Variants in KCNMA1 observed in about 807,000 individuals in gnomAD.
KCNMA1 encodes the protein Calcium-activated potassium channel subunit alpha-1.
KCNMA1 carries 29 observed loss-of-function variants against 140.0 expected under a neutral mutation model. The observed-to-expected ratio is 0.21, with a 90% CI of 0.15 to 0.28. The LOEUF (loss-of-function observed/expected upper bound fraction) is 0.28. Among genes scored for constraint, KCNMA1 ranks in the 10% least tolerant of loss-of-function variants. The pLI is 1.00. For synonymous variants in KCNMA1, 612 were observed against 611.9 expected (o/e 1.00, Z 0.00); for missense variants, 880 against 1,602.2 (o/e 0.55, Z 7.70).
chr10:77,318,270 G>A (rs2154352030), intron 2 of KCNMA1, among the ~76,000 whole-genome samples: 3 of 152,270 alleles, frequency 2.0e-5, no homozygotes, highest in Non-Finnish European at 4.4e-5. Flanking sequence ...TGCACAACAA[G>A]TTATCAATTA....
At chr10:76,911,055 A>G (rs1169141934) in intron 24 of KCNMA1, 1 of 152,154 alleles carries the variant, frequency 6.6e-6, no homozygotes, top group Non-Finnish European at 1.5e-5. Flanking sequence ...GGGGCACTCA[A>G]AATTTCTGAA....
intron 9 of KCNMA1, chr10:77,091,482 G>A (rs1402300168): frequency 6.6e-6 from 1 of 152,232 alleles, no homozygotes; most frequent in Non-Finnish European, 1.5e-5. Context: ...TCAGGAGTGA[G>A]CATTTGATGC....
downstream of KCNMA1, among the ~76,000 whole-genome samples, chr10:76,880,760 T>C (rs2034314458): frequency 6.6e-6 from 1 of 152,210 alleles, no homozygotes; most frequent in Non-Finnish European, 1.5e-5. Flanking sequence ...GAAGCAGCTC[T>C]AATGAATGCT....
intron 1 of KCNMA1, among the ~76,000 whole-genome samples, chr10:77,506,621 T>TGTGTG (rs1567212159): frequency 1.9e-5 from 1 of 53,990 alleles, no homozygotes; most frequent in Admixed American, 1.9e-4. Context: ...GTGTGTGTGT[T>TGTGTG]AGAGAGGGAG....
At chr10:77,189,433 C>T (rs563947060) in intron 3 of KCNMA1, among the ~76,000 whole-genome samples, 1 of 152,210 alleles carries the variant, frequency 6.6e-6, no homozygotes, top group African/African-American at 2.4e-5. Flanking sequence ...ATTGCAATGC[C>T]ACTGTGCAAG....
chr10:77,551,778 C>T (rs1247101862), intron 1 of KCNMA1, among the ~76,000 whole-genome samples: 1 of 152,174 alleles, frequency 6.6e-6, no homozygotes, highest in Admixed American at 6.5e-5. Flanking sequence ...CTGAGACCTT[C>T]CAATCCAACC....
intron 1 of KCNMA1, among the ~76,000 whole-genome samples, chr10:77,546,758 T>C (rs2154556113): frequency 6.6e-6 from 1 of 152,296 alleles, no homozygotes; most frequent in East Asian, 1.9e-4. Flanking sequence ...GGTGGCTCCC[T>C]GTCAGGGGAG....
At chr10:77,193,974 G>C (rs1468172158) in intron 3 of KCNMA1, among the ~76,000 whole-genome samples, 1 of 151,820 alleles carries the variant, frequency 6.6e-6, no homozygotes, top group Non-Finnish European at 1.5e-5. Context: ...TTTTTTTCTG[G>C]ATATTAAAAT....
At chr10:76,976,639 GC>G (rs2077634585) in intron 19 of KCNMA1, among the ~76,000 whole-genome samples, 1 of 152,140 alleles carries the variant, frequency 6.6e-6, no homozygotes, top group East Asian at 1.9e-4. Flanking sequence ...ATGTACCAAA[GC>G]CCCCCATATC....
intron 5 of KCNMA1, among the ~76,000 whole-genome samples, chr10:77,165,065 C>A (rs138856753): frequency 1.3e-5 from 2 of 152,102 alleles, no homozygotes; most frequent in African/African-American, 4.8e-5. Context: ...TGAAAACTCA[C>A]GATAAAAATA....
intron 19 of KCNMA1, among the ~76,000 whole-genome samples, chr10:76,976,747 G>A (rs2077684694): frequency 6.6e-6 from 1 of 151,976 alleles, no homozygotes; most frequent in South Asian, 2.1e-4. Flanking sequence ...AAATCCTTTT[G>A]GAATTTTCTG....
At chr10:77,413,907 T>G (rs949460575) in intron 1 of KCNMA1, among the ~76,000 whole-genome samples, 5 of 152,164 alleles carry the variant, frequency 3.3e-5, no homozygotes, top group African/African-American at 1.2e-4. Flanking sequence ...CCCCGAGCTG[T>G]CAGAAAGCCC....
At chr10:77,270,680 C>G (rs374787471) in intron 2 of KCNMA1, among the ~76,000 whole-genome samples, 2 of 135,930 alleles carry the variant, frequency 1.5e-5, no homozygotes, top group Admixed American at 7.3e-5. Flanking sequence ...CACCACCACA[C>G]CTAGCTAATT....
intron 5 of KCNMA1, among the ~76,000 whole-genome samples, chr10:77,135,522 G>A (rs370894802): frequency 6.6e-6 from 1 of 152,136 alleles, no homozygotes; most frequent in South Asian, 2.1e-4. Context: ...TGAAATCAAC[G>A]TGCTGAAGAG....
At chr10:77,333,034 C>CA (rs2154367544) in intron 2 of KCNMA1, among the ~76,000 whole-genome samples, 1 of 152,266 alleles carries the variant, frequency 6.6e-6, no homozygotes, top group Admixed American at 6.5e-5. Context: ...TTTAGTAAAA[C>CA]AAACACATGT....
intron 15 of KCNMA1, among the ~76,000 whole-genome samples, chr10:77,031,850 C>G (rs2093960092): frequency 6.6e-6 from 1 of 152,148 alleles, no homozygotes. Flanking sequence ...AAGAGTAAGC[C>G]TTCAGTAAAG....
chr10:77,492,600 A>G (rs2040349878), intron 1 of KCNMA1, among the ~76,000 whole-genome samples: 1 of 152,234 alleles, frequency 6.6e-6, no homozygotes, highest in Admixed American at 6.5e-5. Flanking sequence ...CTTCTTTGCA[A>G]GTAGTGCTCT....
chr10:77,414,843 C>A (rs1228749077), intron 1 of KCNMA1, among the ~76,000 whole-genome samples: 1 of 152,156 alleles, frequency 6.6e-6, no homozygotes, highest in Non-Finnish European at 1.5e-5. Flanking sequence ...TCCAAGATTA[C>A]CCATCTTGTA....
chr10:77,090,393 C>T lies in KCNMA1; in HGVS notation c.1334+7G>A. On this transcript the variant is annotated splice_region_variant and intron_variant, in intron 10 of 27. Transcript: ENST00000286628. ...CAGAGGGTCTGACAGCAGTAGGAAGCTCTTACTTGTGAAGAAAAACGATCT... is the reference window on the plus strand; with the variant it reads ...CAGAGGGTCTGACAGCAGTAGGAAGTTCTTACTTGTGAAGAAAAACGATCT... The T allele has an allele frequency of 6.3e-7, 1 of 1,581,322 alleles. No homozygotes were observed. Among genetic ancestry groups the T allele is most frequent in the South Asian group, 1.1e-5 (1 of 90,456 alleles).
Sources: allele counts gnomAD v4.1 joint callset (sites outside exome capture counted in the v4.1 genomes callset), GRCh38; gene constraint gnomAD v4.1.1; transcripts MANE v1.5; gene names NCBI Gene and HGNC (gene_info 2026-07-23, HGNC 2026-07-21).